PDGFD: variants seen among roughly 807,000 people sequenced by gnomAD.
The protein encoded by PDGFD is platelet derived growth factor D, also known as platelet-derived growth factor D.
PDGFD carries 30 observed loss-of-function variants against 44.7 expected under a neutral mutation model. The observed-to-expected ratio is 0.67, with a 90% CI of 0.50 to 0.91. The LOEUF is 0.91. Ranked by LOEUF, PDGFD falls within the 40% of genes least tolerant of loss-of-function variation. The probability of loss-of-function intolerance (pLI) is 0.00; values close to 1 mark genes in which losing one functional copy is unlikely to be tolerated. For synonymous variants in PDGFD, 173 were observed against 168.4 expected, an observed-to-expected ratio of 1.03 and a Z score of -0.21; for missense variants, 445 against 457.8, an observed-to-expected ratio of 0.97 and a Z score of 0.25.
intron 3 of PDGFD, among the ~76,000 whole-genome samples, chr11:103,956,067 ATTTTT>A (rs34481866): frequency 7.0e-6 from 1 of 143,866 alleles, no homozygotes; most frequent in African/African-American, 2.6e-5. Flanking sequence ...TAGTTTGGGA[ATTTTT>A]TTTTTTTTTT....
intron 2 of PDGFD, 130 bp downstream of exon 2, chr11:103,999,921 T>C: frequency 1.3e-6 from 1 of 787,994 alleles, no homozygotes; most frequent in Non-Finnish European, 2.0e-6. Flanking sequence ...TTTAGGCTTT[T>C]TGAAAAAGAA....
intron 1 of PDGFD, among the ~76,000 whole-genome samples, chr11:104,079,180 T>C (rs1407719382): frequency 1.3e-5 from 2 of 152,172 alleles, no homozygotes; most frequent in Non-Finnish European, 2.9e-5. Flanking sequence ...CAGGCTCCAC[T>C]ACCAAGGCAG....
intron 3 of PDGFD, among the ~76,000 whole-genome samples, chr11:103,974,471 A>T (rs1859152338): frequency 6.6e-6 from 1 of 152,034 alleles, no homozygotes; most frequent in African/African-American, 2.4e-5. Context: ...TTATTTATTT[A>T]TAATTATATT....
chr11:104,031,036 C>T (rs1298724940), intron 1 of PDGFD, among the ~76,000 whole-genome samples: 1 of 152,124 alleles, frequency 6.6e-6, no homozygotes, highest in Non-Finnish European at 1.5e-5. Flanking sequence ...ACGATCAAAA[C>T]CCTAGAAGAA....
At chr11:104,032,001 C>G (rs1342503183) in intron 1 of PDGFD, among the ~76,000 whole-genome samples, 4 of 152,096 alleles carry the variant, frequency 2.6e-5, no homozygotes, top group African/African-American at 7.2e-5. Flanking sequence ...CGGGAGAGGG[C>G]AAGGGCAGGG....
intron 3 of PDGFD, among the ~76,000 whole-genome samples, chr11:103,949,101 C>T (rs1479482449): frequency 6.9e-6 from 1 of 145,672 alleles, no homozygotes; most frequent in Non-Finnish European, 1.5e-5. Flanking sequence ...CTCCCAGGTT[C>T]AAGCAATTCT....
chr11:104,021,196 T>C (rs1010785748), intron 1 of PDGFD, among the ~76,000 whole-genome samples: 14 of 152,192 alleles, frequency 9.2e-5, no homozygotes, highest in Non-Finnish European at 1.8e-4. Flanking sequence ...AATGGATTGA[T>C]TATCTTCAGA....
In PDGFD at chr11:104,040,711, AT is replaced by A. The variant is rs1319210675; in HGVS notation, c.125-40457del. On this transcript the variant is annotated intron_variant, in intron 1 of 6. Transcript: ENST00000393158. ...ACATTCAAATATTCAAAGTTCAGTG[AT>A]TTTAAATTTTTTTTGACAACAAACT... Among the ~76,000 whole-genome samples, 3 of 123,562 alleles carry A rather than the reference AT, an allele frequency of 2.4e-5. No homozygotes were observed. In the East Asian group the frequency reaches 7.0e-4, roughly 29 times the overall value. The allele number at this position is 123,562 out of a possible 152,430, so 81.1% of individuals were successfully genotyped here. A position where few individuals can be genotyped will look rare whatever the true frequency, so the allele number is the denominator to read the frequency against.
chr11:103,935,898 C>T (rs1858481474), intron 5 of PDGFD, among the ~76,000 whole-genome samples: 1 of 152,164 alleles, frequency 6.6e-6, no homozygotes, highest in East Asian at 1.9e-4. Flanking sequence ...AAGGCCACTG[C>T]TACTGATTTT....
At chr11:104,096,609 C>T (rs1861292331) in intron 1 of PDGFD, among the ~76,000 whole-genome samples, 1 of 152,152 alleles carries the variant, frequency 6.6e-6, no homozygotes, top group Non-Finnish European at 1.5e-5. Flanking sequence ...ATGTAGTATA[C>T]ATACAATCAT....
chr11:103,947,616 G>A (rs11226083), intron 4 of PDGFD, 46 bp downstream of exon 4: 1 of 1,493,722 alleles, frequency 6.7e-7, no homozygotes, highest in Non-Finnish European at 9.3e-7. Context: ...GACCTTAGCT[G>A]TTCCATCCGT....
At chr11:103,954,074 TCAA>T (rs919623508) in intron 3 of PDGFD, among the ~76,000 whole-genome samples, 9 of 152,370 alleles carry the variant, frequency 5.9e-5, no homozygotes, top group Admixed American at 5.9e-4. Flanking sequence ...ATAAATGTTG[TCAA>T]CAACAATCCT....
At chr11:104,049,401 G>A (rs1860491416) in intron 1 of PDGFD, among the ~76,000 whole-genome samples, 3 of 152,212 alleles carry the variant, frequency 2.0e-5, no homozygotes, top group Admixed American at 2.0e-4. Context: ...AATGGTTAGG[G>A]TGGCTGAAAG....
intron 5 of PDGFD, among the ~76,000 whole-genome samples, chr11:103,931,823 G>A (rs1344452998): frequency 6.6e-6 from 1 of 152,132 alleles, no homozygotes; most frequent in Non-Finnish European, 1.5e-5. Context: ...TTGTTACAAG[G>A]TCTAGCCTTT....
chr11:104,056,061 C>T (rs1001756106), intron 1 of PDGFD, among the ~76,000 whole-genome samples: 3 of 152,062 alleles, frequency 2.0e-5, no homozygotes, highest in African/African-American at 7.2e-5. Flanking sequence ...ATCCTCTTAC[C>T]CCAAAACCTA....
chr11:104,132,025 A>G (rs1169994598), intron 1 of PDGFD, among the ~76,000 whole-genome samples: 3 of 152,102 alleles, frequency 2.0e-5, no homozygotes, highest in African/African-American at 7.2e-5. Flanking sequence ...CTTCAGGCTC[A>G]GGAAATCTTG....
chr11:103,924,888 C>T lies in PDGFD; in HGVS notation c.987+2024G>A, dbSNP rs183655653. 2.5e-3 allele frequency among the ~76,000 whole-genome samples: 375 copies of T among 152,168 alleles called. 1 individual carries two copies. The highest frequency in any genetic ancestry group is 3.8e-3 in the Non-Finnish European group (259 of 67,996). ...TGCAGGTTTGTTACGTAGGTATACA[C>T]GTGCCATGGTGGTTTGCTGCACCCT... On this transcript the variant is annotated intron_variant, in intron 6 of 6. Transcript: ENST00000393158.
At chr11:104,082,133 C>CATATATATAAATATATATATATATAT (rs981551524) in intron 1 of PDGFD, among the ~76,000 whole-genome samples, 1 of 117,518 alleles carries the variant, frequency 8.5e-6, no homozygotes, top group African/African-American at 4.0e-5. Flanking sequence ...CATATACATA[C>CATATATATAAATATATATATATATAT]ATACATATAT....
chr11:104,107,157 CAATT>C (rs1382445776), intron 1 of PDGFD, among the ~76,000 whole-genome samples: 7 of 152,106 alleles, frequency 4.6e-5, no homozygotes, highest in Admixed American at 1.3e-4. Flanking sequence ...AGTCCCTAAT[CAATT>C]GAGTTTGAGT....
Sources: gnomAD v4.1 joint callset for allele counts (sites outside exome capture counted in the v4.1 genomes callset) on GRCh38, gnomAD v4.1.1 for gene constraint, MANE v1.5 for transcripts, NCBI Gene and HGNC (gene_info 2026-07-23, HGNC 2026-07-21) for gene names.